The following MSI2 variants were observed in gnomAD, a reference collection of about 807,000 sequenced individuals.
MSI2 encodes RNA-binding protein Musashi homolog 2.
A neutral mutation model predicts 45.6 loss-of-function variants in MSI2; 17 were observed. The ratio of observed to expected loss-of-function variants is 0.37; its 90% CI spans 0.26 to 0.56. MSI2 has a LOEUF of 0.56. Among genes scored for constraint, MSI2 ranks in the 20% least tolerant of loss-of-function variants. The pLI is 0.77. For missense variants in MSI2, 293 were observed against 444.2 expected, an observed-to-expected ratio of 0.66 and a Z score of 3.06; for synonymous variants, 156 against 158.2, an observed-to-expected ratio of 0.99 and a Z score of 0.11.
chr17:57,583,486 T>C (rs1348193767), intron 7 of MSI2, among the ~76,000 whole-genome samples: 3 of 113,532 alleles, frequency 2.6e-5, no homozygotes, highest in African/African-American at 1.0e-4. Context: ...CTCCCAATGT[T>C]TCTTTTTTTT....
chr17:57,544,217 A>G (rs2087114761), intron 7 of MSI2, among the ~76,000 whole-genome samples: 1 of 152,204 alleles, frequency 6.6e-6, no homozygotes. Context: ...CAAAAACGCT[A>G]TAAAGGATCA....
chr17:57,450,252 GCTTA>G (rs2084972796), intron 6 of MSI2: 1 of 89,288 alleles, frequency 1.1e-5, no homozygotes, highest in African/African-American at 9.7e-5. Flanking sequence ...GTATTCCCCA[GCTTA>G]AAGAAAGAAA....
intron 5 of MSI2, among the ~76,000 whole-genome samples, chr17:57,326,746 G>C (rs1257524244): frequency 6.6e-6 from 1 of 152,226 alleles, no homozygotes; most frequent in Non-Finnish European, 1.5e-5. Flanking sequence ...CTGTTTGATA[G>C]ATGGGAAAAC....
At chr17:57,419,113 G>C (rs990120542) in intron 6 of MSI2, among the ~76,000 whole-genome samples, 3 of 151,746 alleles carry the variant, frequency 2.0e-5, no homozygotes, top group Non-Finnish European at 4.4e-5. Context: ...CTTGATTTCT[G>C]TATTCTCTAG....
intron 6 of MSI2, among the ~76,000 whole-genome samples, chr17:57,417,052 C>G (rs1292743346): frequency 6.6e-6 from 1 of 152,172 alleles, no homozygotes; most frequent in Non-Finnish European, 1.5e-5. Context: ...GCCAGTGTCA[C>G]TGCGAGGTGG....
chr17:57,392,425 G>A (rs915759568), intron 5 of MSI2, among the ~76,000 whole-genome samples: 1 of 152,196 alleles, frequency 6.6e-6, no homozygotes, highest in African/African-American at 2.4e-5. Flanking sequence ...CTGTAGGTGA[G>A]TTTCTGTTGT....
intron 6 of MSI2, chr17:57,450,267 G>GAA (rs1424955983): frequency 1.3e-5 from 1 of 75,378 alleles, no homozygotes; most frequent in African/African-American, 5.7e-5. Context: ...AAGAAAGAAA[G>GAA]AAAGAAAGAA....
chr17:57,471,702 G>T (rs1479417028), intron 6 of MSI2, among the ~76,000 whole-genome samples: 1 of 152,028 alleles, frequency 6.6e-6, no homozygotes, highest in African/African-American at 2.4e-5. Flanking sequence ...GCAGCTGTAA[G>T]CCCCCACCCC....
chr17:57,592,695 G>A (rs1453587210), intron 7 of MSI2, among the ~76,000 whole-genome samples: 1 of 152,144 alleles, frequency 6.6e-6, no homozygotes, highest in Non-Finnish European at 1.5e-5. Context: ...GAGTCCTGTG[G>A]GGTTAGGAAA....
At position 57,529,363 on chromosome 17, in the gene MSI2, G is replaced by C. The variant is rs909836797; in HGVS notation, c.406-313G>C. On this transcript the variant is annotated intron_variant, in intron 6 of 13. Transcript: ENST00000284073. This position sits in a 1 kb window ranked among gnomAD's most constrained non-coding sequence, Gnocchi z 5.3. Reference sequence around the variant, plus strand: ...AGGCAGGAGGATTGCTTGAGCTCAGGAGGTCGAGACTGCAGTGAGCCGTGA... The same window carrying C: ...AGGCAGGAGGATTGCTTGAGCTCAGCAGGTCGAGACTGCAGTGAGCCGTGA... Among the ~76,000 whole-genome samples the C allele has an allele frequency of 2.6e-5, 4 of 152,166 alleles. No homozygotes were observed. Among genetic ancestry groups the C allele is most frequent in the Admixed American group, 2.6e-4 (4 of 15,278 alleles).
At chr17:57,496,525 G>A (rs1384719395) in intron 6 of MSI2, among the ~76,000 whole-genome samples, 2 of 152,252 alleles carry the variant, frequency 1.3e-5, no homozygotes, top group East Asian at 3.8e-4. Context: ...AAGGAGGCAA[G>A]CTAATGTGCT....
chr17:57,524,686 C>T (rs968031920), intron 6 of MSI2, among the ~76,000 whole-genome samples: 1 of 152,142 alleles, frequency 6.6e-6, no homozygotes, highest in African/African-American at 2.4e-5. Context: ...TCTTTTCCAT[C>T]GTGGGGTCTA....
chr17:57,557,594 G>T (rs890840476), intron 7 of MSI2, among the ~76,000 whole-genome samples: 4 of 152,200 alleles, frequency 2.6e-5, no homozygotes, highest in African/African-American at 7.2e-5. Flanking sequence ...AGGTTCTCTG[G>T]GCTGTTGGCT....
chr17:57,610,139 C>A (rs1674029487), intron 8 of MSI2, among the ~76,000 whole-genome samples: 1 of 152,016 alleles, frequency 6.6e-6, no homozygotes, highest in Non-Finnish European at 1.5e-5. Flanking sequence ...GAAACGCATA[C>A]CAACTTACTC....
At chr17:57,629,929 A>G (rs1304623121) in intron 10 of MSI2, 2 of 152,304 alleles carry the variant, frequency 1.3e-5, no homozygotes, top group African/African-American at 4.8e-5. Flanking sequence ...AGGGATCTTA[A>G]CATGGAATAA....
At chr17:57,349,037 A>G (rs1026054060) in intron 5 of MSI2, among the ~76,000 whole-genome samples, 19 of 152,184 alleles carry the variant, frequency 1.2e-4, no homozygotes, top group African/African-American at 4.3e-4. Context: ...CTAAGGAGAT[A>G]TTTAGGGGCA....
At chr17:57,676,266 G>A (rs1315219341) in intron 12 of MSI2, among the ~76,000 whole-genome samples, 2 of 151,794 alleles carry the variant, frequency 1.3e-5, no homozygotes, top group African/African-American at 2.4e-5. Context: ...AGACATGCAC[G>A]CACACGCACG....
intron 9 of MSI2, among the ~76,000 whole-genome samples, chr17:57,622,579 T>C (rs920193783): frequency 7.2e-5 from 11 of 151,894 alleles, no homozygotes; most frequent in Non-Finnish European, 1.5e-4. Context: ...CATTCTTAGG[T>C]GCAGTCGTAC....
At chr17:57,457,894 G>A (rs888808818) in intron 6 of MSI2, among the ~76,000 whole-genome samples, 3 of 151,996 alleles carry the variant, frequency 2.0e-5, no homozygotes, top group Non-Finnish European at 2.9e-5. Context: ...AGGAGACAAC[G>A]TGAGACCTCG....
Sources: allele counts gnomAD v4.1 joint callset (sites outside exome capture counted in the v4.1 genomes callset), GRCh38; gene constraint gnomAD v4.1.1; non-coding constraint Gnocchi (gnomAD v3.1); transcripts MANE v1.5; gene names NCBI Gene and HGNC (gene_info 2026-07-23, HGNC 2026-07-21).